CEP63: variants seen among roughly 807,000 people sequenced by gnomAD.
The protein encoded by CEP63 is centrosomal protein 63, also known as centrosomal protein of 63 kDa.
Under a neutral mutation model 89.1 loss-of-function variants are expected in CEP63, and 84 were observed. The observed-to-expected ratio is 0.94, with a 90% CI of 0.79 to 1.13. The LOEUF (loss-of-function observed/expected upper bound fraction) is 1.13. Ranked by LOEUF, CEP63 falls within the 50% of genes most tolerant of loss-of-function variation. The pLI is 0.00. For synonymous variants in CEP63, 267 were observed against 272.5 expected (o/e 0.98, Z 0.20); for missense variants, 838 against 813.3 (o/e 1.03, Z -0.37).
the CEP63 span, among the ~76,000 whole-genome samples, chr3:134,774,315 A>G: frequency 6.6e-6 from 1 of 152,092 alleles, no homozygotes; most frequent in African/African-American, 2.4e-5. Context: ...TAAACACTTT[A>G]CTCTCCAACT....
chr3:134,537,426 A>C (rs530862929), intron 6 of CEP63, among the ~76,000 whole-genome samples, 158 bp downstream of exon 6: 2 of 152,216 alleles, frequency 1.3e-5, no homozygotes, highest in South Asian at 4.1e-4. Flanking sequence ...ATCTAGACTC[A>C]GCTCCTTCTT....
the CEP63 span, among the ~76,000 whole-genome samples, chr3:134,634,553 G>A: frequency 6.6e-6 from 1 of 152,192 alleles, no homozygotes; most frequent in Non-Finnish European, 1.5e-5. Context: ...ATAAGCACAT[G>A]AAAAGATGTT....
the CEP63 span, among the ~76,000 whole-genome samples, chr3:134,722,902 A>G: frequency 2.0e-5 from 3 of 152,222 alleles, no homozygotes; most frequent in South Asian, 6.2e-4. Flanking sequence ...AGATGTGGAT[A>G]AAAACAGTGG....
the CEP63 span, among the ~76,000 whole-genome samples, chr3:134,778,958 T>C: frequency 1.3e-5 from 2 of 152,212 alleles, no homozygotes; most frequent in African/African-American, 4.8e-5. Flanking sequence ...AGCAGCGAAA[T>C]TGTAATTTAT....
chr3:134,549,166 A>T lies in CEP63; in HGVS notation c.1172A>T (p.Glu391Val). The T allele has an allele frequency of 6.2e-7, 1 of 1,603,376 alleles. No homozygotes were observed. The highest frequency in any genetic ancestry group is 8.5e-7 in the Non-Finnish European group (1 of 1,170,350). The stretch of plus-strand genomic sequence containing the variant: ...GCACATAACAATGAATACAAAGCAG[A>T]GATTAAGAAGGTAAAAATCTGCATA... The part of the protein sequence containing the change: ...MEAHNNEYKA[E>V]IKKLKEQILQ... Residue 391 changes from glutamate (E) to valine (V), a missense_variant, in exon 10 of 15, where the codon GAG becomes GTG. Glu to Val is a moderately radical substitution (Grantham distance 121). Transcript: ENST00000675561.
the CEP63 span, among the ~76,000 whole-genome samples, chr3:134,710,342 A>G: frequency 2.0e-5 from 3 of 152,200 alleles, no homozygotes; most frequent in South Asian, 6.2e-4. Context: ...GTTAGAATGA[A>G]GAGTTCTGCA....
the CEP63 span, among the ~76,000 whole-genome samples, chr3:134,718,911 C>T: frequency 6.6e-6 from 1 of 152,116 alleles, no homozygotes; most frequent in Non-Finnish European, 1.5e-5. Context: ...CTGTGGTGAA[C>T]TTTTGATATA....
At chr3:134,764,234 C>A in the CEP63 span, among the ~76,000 whole-genome samples, 3 of 152,262 alleles carry the variant, frequency 2.0e-5, no homozygotes, top group Admixed American at 2.0e-4. Context: ...TGGGGACCAG[C>A]TCCCAAGTTC....
chr3:134,720,623 G>C, the CEP63 span, among the ~76,000 whole-genome samples: 1 of 151,974 alleles, frequency 6.6e-6, no homozygotes, highest in Non-Finnish European at 1.5e-5. Flanking sequence ...TGATCCATTT[G>C]ATCCATTGAT....
chr3:134,676,085 A>G, the CEP63 span, among the ~76,000 whole-genome samples: 1 of 152,242 alleles, frequency 6.6e-6, no homozygotes, highest in Non-Finnish European at 1.5e-5. Flanking sequence ...GCTCCTAGGT[A>G]TATACCCAAG....
the CEP63 span, chr3:134,779,733 A>G: frequency 2.0e-5 from 3 of 152,214 alleles, no homozygotes; most frequent in Non-Finnish European, 2.9e-5. Context: ...CTCTTTTCCC[A>G]CCAGACAAAA....
At chr3:134,729,028 A>C in the CEP63 span, among the ~76,000 whole-genome samples, 1 of 152,182 alleles carries the variant, frequency 6.6e-6, no homozygotes, top group Admixed American at 6.5e-5. Context: ...CACATATAAT[A>C]AAAACACGCT....
At chr3:134,532,600 T>C (rs1339817754) in intron 4 of CEP63, among the ~76,000 whole-genome samples, 178 bp from the exon 5 acceptor site, 2 of 152,228 alleles carry the variant, frequency 1.3e-5, no homozygotes, top group African/African-American at 2.4e-5. Flanking sequence ...TATATTTCTT[T>C]AGTAGTGTTT....
chr3:134,739,185 C>T, the CEP63 span, among the ~76,000 whole-genome samples: 1 of 151,972 alleles, frequency 6.6e-6, no homozygotes, highest in African/African-American at 2.4e-5. Flanking sequence ...AAAATGTATA[C>T]AAGGATGTTC....
chr3:134,603,371 C>T, the CEP63 span: 1 of 501,102 alleles, frequency 2.0e-6, no homozygotes, highest in Non-Finnish European at 3.5e-6. Context: ...GCCACTGCCT[C>T]TGCCCCCTCA....
At chr3:134,603,184 A>T in the CEP63 span, 1 of 163,028 alleles carries the variant, frequency 6.1e-6, no homozygotes, top group African/African-American at 2.4e-5. Flanking sequence ...TTGGGCATGG[A>T]AGAGAATTCT....
intron 3 of CEP63, among the ~76,000 whole-genome samples, chr3:134,523,560 T>C (rs761856141): frequency 7.9e-5 from 12 of 152,184 alleles, no homozygotes; most frequent in Non-Finnish European, 1.8e-4. Context: ...TTGAGTTAAT[T>C]CTGTATATAA....
chr3:134,589,384 G>C (rs1261758973), downstream of CEP63, among the ~76,000 whole-genome samples: 1 of 152,114 alleles, frequency 6.6e-6, no homozygotes, highest in Non-Finnish European at 1.5e-5. Context: ...TTCCAAGCAT[G>C]CAAGTTTTGT....
At chr3:134,737,402 T>C in the CEP63 span, among the ~76,000 whole-genome samples, 1 of 152,044 alleles carries the variant, frequency 6.6e-6, no homozygotes, top group Non-Finnish European at 1.5e-5. Flanking sequence ...TAATAAAGGA[T>C]TCAAATCCAG....
Sources: allele counts gnomAD v4.1 joint callset (sites outside exome capture counted in the v4.1 genomes callset), GRCh38; gene constraint gnomAD v4.1.1; transcripts MANE v1.5; gene names NCBI Gene and HGNC (gene_info 2026-07-23, HGNC 2026-07-21).